Variants in FUT9 observed in about 807,000 individuals in gnomAD.
FUT9 encodes 4-galactosyl-N-acetylglucosaminide 3-alpha-L-fucosyltransferase 9.
FUT9 carries 15 observed loss-of-function variants against 29.7 expected under a neutral mutation model. The ratio of observed to expected loss-of-function variants is 0.51; its 90% confidence interval spans 0.34 to 0.78. The LOEUF is 0.78. Ranked by LOEUF, FUT9 falls within the 30% of genes least tolerant of loss-of-function variation. The pLI is 0.01. For missense variants in FUT9, 319 were observed against 425.4 expected (o/e 0.75, Z 2.20); for synonymous variants, 169 against 153.7 (o/e 1.10, Z -0.74).
At chr6:96,093,828 T>C (rs1771452957) in intron 1 of FUT9, among the ~76,000 whole-genome samples, 1 of 152,132 alleles carries the variant, frequency 6.6e-6, no homozygotes, top group African/African-American at 2.4e-5. Flanking sequence ...ACATTACTGT[T>C]ACAATGTTTA....
At chr6:96,116,667 T>C (rs1346952557) in intron 2 of FUT9, among the ~76,000 whole-genome samples, 1 of 152,122 alleles carries the variant, frequency 6.6e-6, no homozygotes, top group Non-Finnish European at 1.5e-5. Context: ...TCTTGCTAAG[T>C]GAAAGAAGGG....
intron 2 of FUT9, among the ~76,000 whole-genome samples, chr6:96,119,251 G>A (rs1209062548): frequency 2.0e-5 from 3 of 152,064 alleles, no homozygotes; most frequent in Non-Finnish European, 1.5e-5. Context: ...ACAGGTGTAC[G>A]ATTTTTTATC....
At chr6:96,116,479 G>A (rs1771913456) in intron 2 of FUT9, among the ~76,000 whole-genome samples, 1 of 152,050 alleles carries the variant, frequency 6.6e-6, no homozygotes, top group Non-Finnish European at 1.5e-5. Context: ...AAAACAATAT[G>A]GGAATATTTA....
chr6:96,209,671 T>G lies in FUT9; in HGVS notation c.*5436T>G, dbSNP rs921843754. The G allele has an allele frequency of 6.0e-6, 1 of 166,744 alleles. No homozygotes were observed. Among genetic ancestry groups the G allele is most frequent in the African/African-American group, 2.4e-5 (1 of 41,392 alleles). The allele number at this position is 166,744 out of a possible 1,614,324, so 10.3% of individuals were successfully genotyped here. ...TTGAGTTCATTTGAACATTTAGTTATTTTTTAGCTCATAGTTAACATATGT... is the reference window on the plus strand; with the variant it reads ...TTGAGTTCATTTGAACATTTAGTTAGTTTTTAGCTCATAGTTAACATATGT... On this transcript the variant is annotated 3_prime_UTR_variant, in exon 3 of 3. Coordinates refer to ENST00000302103, the MANE Select transcript of FUT9 (RefSeq NM_006581.4).
At chr6:96,124,047 C>T (rs1234945879) in intron 2 of FUT9, among the ~76,000 whole-genome samples, 2 of 151,656 alleles carry the variant, frequency 1.3e-5, no homozygotes, top group Non-Finnish European at 2.9e-5. Context: ...AACTTATTTC[C>T]TATTTTATTG....
intron 1 of FUT9, among the ~76,000 whole-genome samples, chr6:96,092,935 ATT>A (rs113448846): frequency 3.3e-5 from 5 of 151,082 alleles, no homozygotes; most frequent in African/African-American, 4.9e-5. Flanking sequence ...TAATTAAAAA[ATT>A]TTAAAAAAAT....
At chr6:96,192,497 G>A (rs1199112848) in intron 2 of FUT9, among the ~76,000 whole-genome samples, 1 of 152,094 alleles carries the variant, frequency 6.6e-6, no homozygotes, top group African/African-American at 2.4e-5. Flanking sequence ...ACTTACGAGG[G>A]ATGTGAAGGA....
chr6:96,168,068 G>A (rs1773045915), intron 2 of FUT9, among the ~76,000 whole-genome samples: 1 of 152,214 alleles, frequency 6.6e-6, no homozygotes, highest in Non-Finnish European at 1.5e-5. Flanking sequence ...CTGAAAGGAT[G>A]AAATTGCCAT....
At chr6:96,156,645 G>A (rs1582273172) in intron 2 of FUT9, among the ~76,000 whole-genome samples, 1 of 152,136 alleles carries the variant, frequency 6.6e-6, no homozygotes, top group East Asian at 1.9e-4. Context: ...TGCTGTACAA[G>A]TTCCCTTATC....
chr6:96,025,019 A>G (rs186895360), intron 1 of FUT9, among the ~76,000 whole-genome samples: 28 of 151,950 alleles, frequency 1.8e-4, no homozygotes, highest in Admixed American at 1.6e-3. Flanking sequence ...CTGTAAGTCA[A>G]CACAGCATTT....
chr6:96,078,752 C>T (rs951211268), intron 1 of FUT9, among the ~76,000 whole-genome samples: 1 of 151,862 alleles, frequency 6.6e-6, no homozygotes, highest in Admixed American at 6.6e-5. Context: ...TTTTCATGAT[C>T]GTTAATTAGG....
At chr6:96,030,920 G>C (rs1430333792) in intron 1 of FUT9, among the ~76,000 whole-genome samples, 1 of 151,516 alleles carries the variant, frequency 6.6e-6, no homozygotes, top group Non-Finnish European at 1.5e-5. Context: ...TGGTTTCGAA[G>C]GGTTAGGGTG....
chr6:96,150,630 G>C (rs970164842), intron 2 of FUT9, among the ~76,000 whole-genome samples: 1 of 152,142 alleles, frequency 6.6e-6, no homozygotes, highest in African/African-American at 2.4e-5. Flanking sequence ...GCCAGCTCAG[G>C]CTCAACAATT....
intron 1 of FUT9, among the ~76,000 whole-genome samples, chr6:96,049,645 C>T (rs1267138964): frequency 1.3e-5 from 2 of 152,154 alleles, no homozygotes; most frequent in African/African-American, 4.8e-5. Flanking sequence ...ATGTTGGCCC[C>T]AAAATTTACA....
At position 96,210,086 on chromosome 6, in the gene FUT9, G is replaced by A. The variant is rs1016325444; in HGVS notation, c.*5851G>A. On this transcript the variant is annotated 3_prime_UTR_variant, in exon 3 of 3. Coordinates refer to ENST00000302103, the MANE Select transcript of FUT9 (RefSeq NM_006581.4). ...TTCTGAATCTCTGGGTGTGAGATGG[G>A]ACCAGGAATCTTATTTTAAAAATCT... 6.0e-6 allele frequency: 1 copy of A among 166,822 alleles called. No homozygotes were observed. Among genetic ancestry groups the A allele is most frequent in the African/African-American group, 2.4e-5 (1 of 41,390 alleles). The allele number at this position is 166,822 out of a possible 1,614,324, so 10.3% of individuals were successfully genotyped here.
chr6:96,171,153 G>C (rs1396550516), intron 2 of FUT9, among the ~76,000 whole-genome samples: 1 of 152,180 alleles, frequency 6.6e-6, no homozygotes, highest in East Asian at 1.9e-4. Context: ...CAACCAAACA[G>C]GTGACTGAGA....
intron 1 of FUT9, among the ~76,000 whole-genome samples, chr6:96,091,048 A>G (rs1771403933): frequency 6.6e-6 from 1 of 152,018 alleles, no homozygotes; most frequent in Non-Finnish European, 1.5e-5. Flanking sequence ...GGAGGAGGCT[A>G]TTTACCCCAT....
At chr6:96,095,827 T>C (rs1037013893) in intron 1 of FUT9, among the ~76,000 whole-genome samples, 3 of 152,138 alleles carry the variant, frequency 2.0e-5, no homozygotes, top group Non-Finnish European at 4.4e-5. Flanking sequence ...TGTGTAACCA[T>C]GGGCTAGCGA....
intron 2 of FUT9, among the ~76,000 whole-genome samples, chr6:96,193,624 C>A (rs1203352619): frequency 6.6e-6 from 1 of 151,954 alleles, no homozygotes; most frequent in Non-Finnish European, 1.5e-5. Context: ...ACTAGTTCAA[C>A]CGTTGTGGAA....
Sources: gnomAD v4.1 joint callset for allele counts (sites outside exome capture counted in the v4.1 genomes callset) on GRCh38, gnomAD v4.1.1 for gene constraint, MANE v1.5 for transcripts, NCBI Gene and HGNC (gene_info 2026-07-23, HGNC 2026-07-21) for gene names.